The following UBE3A variants were observed in gnomAD, a reference collection of about 807,000 sequenced individuals.
The protein encoded by UBE3A is ubiquitin-protein ligase E3A.
In UBE3A, 6 loss-of-function variants were observed where a neutral mutation model predicts 83.4. The ratio of observed to expected loss-of-function variants is 0.07; its 90% confidence interval spans 0.04 to 0.14. The LOEUF (loss-of-function observed/expected upper bound fraction) is 0.14, where lower values mean the gene tolerates loss of function less well. Among genes scored for constraint, UBE3A ranks in the 10% least tolerant of loss-of-function variants. The probability of loss-of-function intolerance (pLI) is 1.00; values close to 1 mark genes in which losing one functional copy is unlikely to be tolerated. For missense variants in UBE3A, 456 were observed against 1,036.1 expected (o/e 0.44, Z 7.69); for synonymous variants, 337 against 355.4 (o/e 0.95, Z 0.58).
At chr15:25,372,639 C>G (rs1787712534) in intron 5 of UBE3A, among the ~76,000 whole-genome samples, 1 of 152,166 alleles carries the variant, frequency 6.6e-6, no homozygotes, top group Non-Finnish European at 1.5e-5. Flanking sequence ...GGCTTTCTCC[C>G]TTCTGGCTAA....
At chr15:25,430,055 ATGTATT>A (rs1892704563) in intron 1 of UBE3A, among the ~76,000 whole-genome samples, 1 of 108,688 alleles carries the variant, frequency 9.2e-6, no homozygotes, top group Non-Finnish European at 1.7e-5. Context: ...ATATATTTAT[ATGTATT>A]ATATATATAT....
At chr15:25,433,825 T>C (rs1167465771) in intron 1 of UBE3A, among the ~76,000 whole-genome samples, 3 of 152,102 alleles carry the variant, frequency 2.0e-5, no homozygotes, top group African/African-American at 7.2e-5. Context: ...CCTGTAATCC[T>C]AGCACCTTGG....
intron 5 of UBE3A, 50 bp downstream of exon 5, chr15:25,375,415 C>T (rs979887781): frequency 2.5e-6 from 4 of 1,592,914 alleles, no homozygotes; most frequent in Non-Finnish European, 1.7e-6. Flanking sequence ...ATTTAAATCT[C>T]CCACATGGTT....
chr15:25,396,213 T>C (rs761753215), intron 4 of UBE3A, among the ~76,000 whole-genome samples: 2 of 151,748 alleles, frequency 1.3e-5, no homozygotes, highest in Non-Finnish European at 2.9e-5. Flanking sequence ...AAAAAAAATC[T>C]GAAGTTACTG....
chr15:25,429,612 G>A (rs1225267591), intron 1 of UBE3A, among the ~76,000 whole-genome samples: 5 of 152,044 alleles, frequency 3.3e-5, no homozygotes, highest in East Asian at 1.9e-4. Context: ...ACTTTGGGAC[G>A]CCAAGGCAGG....
chr15:25,355,394 T>C (rs1392907679), intron 9 of UBE3A, among the ~76,000 whole-genome samples: 1 of 152,196 alleles, frequency 6.6e-6, no homozygotes, highest in Non-Finnish European at 1.5e-5. Context: ...AGGTATACTA[T>C]ATATTTGTCA....
intron 1 of UBE3A, among the ~76,000 whole-genome samples, chr15:25,437,753 C>T (rs558343509): frequency 6.6e-6 from 1 of 152,216 alleles, no homozygotes; most frequent in Non-Finnish European, 1.5e-5. Flanking sequence ...TAAAATTTTA[C>T]GGACTAAGGC....
At chr15:25,387,426 G>T (rs1450864485) in intron 4 of UBE3A, among the ~76,000 whole-genome samples, 1 of 152,108 alleles carries the variant, frequency 6.6e-6, no homozygotes, top group Non-Finnish European at 1.5e-5. Context: ...GGAGGCTGAG[G>T]CAAGAGAATG....
At chr15:25,418,211 T>C (rs1887917372) in intron 1 of UBE3A, 1 of 152,178 alleles carries the variant, frequency 6.6e-6, no homozygotes, top group Non-Finnish European at 1.5e-5. Context: ...TCTCGTTGAC[T>C]GAAATGTCAG....
At chr15:25,375,051 C>A in intron 5 of UBE3A, 1 of 200,246 alleles carries the variant, frequency 5.0e-6, no homozygotes, top group African/African-American at 2.4e-5. Context: ...TTTTGTCTTG[C>A]CTTCAAAAAT....
At chr15:25,365,608 C>CAT (rs566565327) in intron 6 of UBE3A, among the ~76,000 whole-genome samples, 3,878 of 151,932 alleles carry the variant, frequency 0.026, 92 homozygotes, top group Middle Eastern at 0.089. Context: ...ATTAGCTGGG[C>CAT]ATGGTGGCAG....
chr15:25,392,151 T>A (rs1013737168), intron 4 of UBE3A, among the ~76,000 whole-genome samples: 7 of 152,176 alleles, frequency 4.6e-5, no homozygotes, highest in Non-Finnish European at 1.0e-4. Context: ...CGAATAACGT[T>A]CCATGTGGGA....
At chr15:25,408,460 A>T in intron 3 of UBE3A, 1 of 1,010,884 alleles carries the variant, frequency 9.9e-7, no homozygotes, top group Non-Finnish European at 1.5e-6. Flanking sequence ...CAGAAATTTT[A>T]AAACTGAAAC....
intron 4 of UBE3A, among the ~76,000 whole-genome samples, chr15:25,389,619 G>A (rs923696829): frequency 2.6e-5 from 4 of 152,202 alleles, no homozygotes; most frequent in Non-Finnish European, 5.9e-5. Context: ...AGGAGGCTGG[G>A]TGTGGTGGCT....
intron 1 of UBE3A, among the ~76,000 whole-genome samples, chr15:25,428,136 T>A (rs978056470): frequency 6.6e-6 from 1 of 152,140 alleles, no homozygotes; most frequent in African/African-American, 2.4e-5. Context: ...ATTGCTGAAC[T>A]GTACACTTAA....
intron 1 of UBE3A, among the ~76,000 whole-genome samples, chr15:25,434,395 C>T (rs1015811721): frequency 2.6e-5 from 4 of 152,152 alleles, no homozygotes; most frequent in African/African-American, 9.7e-5. Context: ...CAGTGAGACC[C>T]CCATCTCTAT....
Position 25,337,475 on chromosome 15 carries a change from CTAAAT to C in UBE3A, c.*1657_*1661del, listed in dbSNP as rs777459294. On this transcript the variant is annotated 3_prime_UTR_variant, in exon 13 of 13. Transcript: ENST00000648336. ...TGGAAAGCATTGTCTTCTTTTTCCA[CTAAAT>C]TAAATTATGGTGAAAAGTGCCACAG... is the stretch of plus-strand genomic sequence containing the variant. 1.8e-4 allele frequency: 28 copies of C among 152,036 alleles called. 1 individual carries two copies. The highest frequency in any genetic ancestry group is 1.8e-3 in the Admixed American group (27 of 15,252). The allele number at this position is 152,036 out of a possible 1,614,324, so 9.4% of individuals were successfully genotyped here.
In UBE3A at chr15:25,371,982, T is replaced by G. The variant is rs2080366368; in HGVS notation, c.362-170A>C. On this transcript the variant is annotated intron_variant, in intron 5 of 12. Coordinates refer to ENST00000648336, the MANE Select transcript of UBE3A (RefSeq NM_130839.5). The surrounding 1 kb of genome is among the most constrained non-coding windows in gnomAD (Gnocchi z 5.3). ...AGATTCAGCAAACAAAATTTAATGC[T>G]TACCTATTTTTTTCAATGAACTACC... Among the ~76,000 whole-genome samples the G allele has an allele frequency of 6.6e-6, 1 of 152,172 alleles. No homozygotes were observed. Among genetic ancestry groups the G allele is most frequent in the Non-Finnish European group, 1.5e-5 (1 of 68,022 alleles).
chr15:25,370,757 A>G lies in UBE3A; in HGVS notation c.1417T>C (p.Ser473Pro), dbSNP rs1351613555. 6.2e-7 allele frequency: 1 copy of G among 1,614,068 alleles called. No individual in the cohort carries two copies. Among genetic ancestry groups the G allele is most frequent in the Non-Finnish European group, 8.5e-7 (1 of 1,180,020 alleles). The change falls in exon 6 of 13, where the codon TCT becomes CCT. Residue 473 changes from serine to proline, a missense_variant. Physicochemically the swap from Ser to Pro is moderately conservative, Grantham distance 74. Around this residue, in one of 13 missense-constraint regions of UBE3A, gnomAD observed 58 missense variants for 237.1 expected, o/e 0.24. Coordinates refer to ENST00000648336, the MANE Select transcript of UBE3A (RefSeq NM_130839.5). The surrounding 1 kb of genome is among the most constrained non-coding windows in gnomAD (Gnocchi z 4.2). ...FFKVETENKF[S>P]FMTCPFILNA... is the part of the protein sequence containing the mutation. Reference sequence around the variant, plus strand: ...AATATAAAGGGACATGTCATAAAAGAGAATTTGTTCTCTGTTTCTACTTTG... The same window carrying G: ...AATATAAAGGGACATGTCATAAAAGGGAATTTGTTCTCTGTTTCTACTTTG...
Sources: gnomAD v4.1 joint callset for allele counts (sites outside exome capture counted in the v4.1 genomes callset) on GRCh38, gnomAD v4.1.1 for gene constraint, gnomAD v4.1.1 regional missense constraint, Gnocchi (gnomAD v3.1) non-coding constraint, MANE v1.5 for transcripts, NCBI Gene and HGNC (gene_info 2026-07-23, HGNC 2026-07-21) for gene names.